ABCC11: variants seen among roughly 807,000 people sequenced by gnomAD.
ABCC11 encodes ATP-binding cassette sub-family C member 11.
ABCC11 carries 135 observed loss-of-function variants against 149.3 expected under a neutral mutation model. The ratio of observed to expected loss-of-function variants is 0.90; its 90% confidence interval spans 0.79 to 1.04. The LOEUF (loss-of-function observed/expected upper bound fraction) is 1.04, where lower values mean the gene tolerates loss of function less well. Ranked by LOEUF, ABCC11 falls within the 50% of genes least tolerant of loss-of-function variation. The pLI is 0.00. For missense variants in ABCC11, 1,680 were observed against 1,722.1 expected, an observed-to-expected ratio of 0.98 and a Z score of 0.43; for synonymous variants, 665 against 671.4, an observed-to-expected ratio of 0.99 and a Z score of 0.15.
chr16:48,177,170 C>T (rs1034727987), intron 24 of ABCC11, 57 bp from the exon 25 acceptor site: 1 of 1,527,658 alleles, frequency 6.5e-7, no homozygotes, highest in Non-Finnish European at 8.8e-7. Context: ...CGGCCCATCC[C>T]CTGCGGGCCT....
chr16:48,201,742 A>G (rs1968000354), intron 14 of ABCC11, among the ~76,000 whole-genome samples: 1 of 152,220 alleles, frequency 6.6e-6, no homozygotes, highest in Non-Finnish European at 1.5e-5. Flanking sequence ...AAGGAGCTTT[A>G]CTGACGCTGG....
intron 1 of ABCC11, among the ~76,000 whole-genome samples, chr16:48,243,401 C>CAAA (rs541776018): frequency 5.5e-5 from 4 of 72,814 alleles, no homozygotes; most frequent in African/African-American, 1.4e-4. Flanking sequence ...GACTCCGTCT[C>CAAA]AAAAAAAAAA....
chr16:48,207,205 C>T (rs1891532155), intron 12 of ABCC11, among the ~76,000 whole-genome samples: 7 of 152,046 alleles, frequency 4.6e-5, no homozygotes, highest in Admixed American at 4.6e-4. Flanking sequence ...GAGATGGCAG[C>T]CCAGGAGGGG....
At position 48,205,381 on chromosome 16, in the gene ABCC11, T is replaced by C. The variant is rs1369977877; in HGVS notation, c.1805+32A>G. Reference sequence around the variant, plus strand: ...GTGCCCCCAGACCAGCCACATGCCCTGTACTCTCCCTTTCCCCTCCCAGGA... The same window carrying C: ...GTGCCCCCAGACCAGCCACATGCCCCGTACTCTCCCTTTCCCCTCCCAGGA... On this transcript the variant is annotated intron_variant, in intron 13 of 29. Coordinates refer to ENST00000356608, the MANE Select transcript of ABCC11 (RefSeq NM_001370497.1). 3 of 1,613,706 alleles carry C rather than the reference T, an allele frequency of 1.9e-6. No homozygotes were observed. The African/African-American group carries it at 4.0e-5, about 22-fold the overall frequency.
chr16:48,225,734 C>A (rs2150904868), intron 4 of ABCC11, among the ~76,000 whole-genome samples: 1 of 152,294 alleles, frequency 6.6e-6, no homozygotes, highest in East Asian at 1.9e-4. Flanking sequence ...AGCCTGGCTC[C>A]TTCATTATCA....
At chr16:48,228,054 C>CGGCGA in intron 3 of ABCC11, 90 bp from the exon 4 acceptor site, 2 of 1,240,404 alleles carry the variant, frequency 1.6e-6, no homozygotes, top group Admixed American at 2.6e-5. Context: ...AACGAGGTTA[C>CGGCGA]CCAGATCTAC....
At position 48,216,106 on chromosome 16, in the gene ABCC11, G is replaced by C; in HGVS notation, c.951+8C>G. 1.2e-6 allele frequency: 2 copies of C among 1,613,100 alleles called. No individual in the cohort carries two copies. The highest frequency in any genetic ancestry group is 2.2e-5 in the South Asian group (2 of 90,908). On this transcript the variant is annotated splice_region_variant and intron_variant, in intron 7 of 29. Coordinates refer to ENST00000356608, the MANE Select transcript of ABCC11 (RefSeq NM_001370497.1). ...CAGCATCAAATGGGTGACAGAGAAA[G>C]ACATTACCGCCAGTGGGAAAACCAG...
intron 26 of ABCC11, 56 bp from the exon 27 acceptor site, chr16:48,171,023 C>G: frequency 7.2e-7 from 1 of 1,388,834 alleles, no homozygotes; most frequent in Non-Finnish European, 1.0e-6. Flanking sequence ...TTTGAACACT[C>G]ATTTATATGC....
At chr16:48,221,519 G>A (rs1969736959) in intron 6 of ABCC11, among the ~76,000 whole-genome samples, 2 of 151,428 alleles carry the variant, frequency 1.3e-5, no homozygotes, top group Non-Finnish European at 2.9e-5. Context: ...CTTTTTTGCA[G>A]ATAAGGAAAT....
intron 3 of ABCC11, among the ~76,000 whole-genome samples, chr16:48,228,317 G>A (rs1970211399): frequency 6.6e-6 from 1 of 151,960 alleles, no homozygotes; most frequent in African/African-American, 2.4e-5. Flanking sequence ...GTATTGGCTG[G>A]GCCCAGTGGC....
intron 23 of ABCC11, among the ~76,000 whole-genome samples, chr16:48,180,602 G>A (rs1966367313): frequency 6.6e-6 from 1 of 152,226 alleles, no homozygotes; most frequent in Admixed American, 6.5e-5. Flanking sequence ...GCAAAGCAAT[G>A]TGATGTGTGA....
At chr16:48,230,350 A>C in intron 3 of ABCC11, 87 bp downstream of exon 3, 1 of 1,443,110 alleles carries the variant, frequency 6.9e-7, no homozygotes, top group Non-Finnish European at 9.2e-7. Flanking sequence ...GTAGTTATGC[A>C]ACCTTCGTGA....
intron 20 of ABCC11, among the ~76,000 whole-genome samples, chr16:48,191,107 A>G (rs761156197): frequency 2.6e-5 from 4 of 152,186 alleles, no homozygotes; most frequent in Non-Finnish European, 2.9e-5. Context: ...ATTTTTCAAA[A>G]CCCATAGAAT....
rs867734005 is a variant in ABCC11, at chr16:48,166,693, C to T, written c.*581G>A. On this transcript the variant is annotated 3_prime_UTR_variant, in exon 30 of 30. Transcript: ENST00000356608. ...CAGCCTGGCCAACATGGTGAAACCCCGCCTCTACTAAAAATACAAAAATTA... is the reference window on the plus strand; with the variant it reads ...CAGCCTGGCCAACATGGTGAAACCCTGCCTCTACTAAAAATACAAAAATTA... Among the ~76,000 whole-genome samples, 6 of 152,080 alleles carry T rather than the reference C, an allele frequency of 3.9e-5. No individual in the cohort carries two copies. Among genetic ancestry groups the T allele is most frequent in the African/African-American group, 1.2e-4 (5 of 41,378 alleles).
At chr16:48,228,466 C>T (rs932472386) in intron 3 of ABCC11, among the ~76,000 whole-genome samples, 1 of 151,972 alleles carries the variant, frequency 6.6e-6, no homozygotes, top group African/African-American at 2.4e-5. Context: ...TGGTGGTGTG[C>T]ACGCCTGTAA....
intron 3 of ABCC11, among the ~76,000 whole-genome samples, chr16:48,229,346 A>C (rs1305725527): frequency 6.6e-6 from 1 of 152,202 alleles, no homozygotes; most frequent in Non-Finnish European, 1.5e-5. Flanking sequence ...TATTGACAGA[A>C]GCTCAGATTT....
intron 28 of ABCC11, among the ~76,000 whole-genome samples, chr16:48,169,000 G>A (rs1965517503): frequency 1.3e-5 from 2 of 152,226 alleles, no homozygotes; most frequent in African/African-American, 4.8e-5. Flanking sequence ...TGGCACATGT[G>A]TACCTATGCA....
At chr16:48,213,595 G>A (rs1165752546) in intron 9 of ABCC11, 45 bp from the exon 10 acceptor site, 5 of 1,478,408 alleles carry the variant, frequency 3.4e-6, no homozygotes, top group Middle Eastern at 1.7e-4. Context: ...GGCCCTTCCT[G>A]CTTCCTCCAT....
intron 4 of ABCC11, 62 bp downstream of exon 4, chr16:48,227,744 T>C: frequency 6.2e-7 from 1 of 1,605,154 alleles, no homozygotes; most frequent in Non-Finnish European, 8.5e-7. Flanking sequence ...GCATCTCTGG[T>C]CATTATCCCA....
Sources: allele counts gnomAD v4.1 joint callset (sites outside exome capture counted in the v4.1 genomes callset), GRCh38; gene constraint gnomAD v4.1.1; transcripts MANE v1.5; gene names NCBI Gene and HGNC (gene_info 2026-07-23, HGNC 2026-07-21).